RIMBP2: variants seen among roughly 807,000 people sequenced by gnomAD.
The protein encoded by RIMBP2 is RIMS binding protein 2.
Under a neutral mutation model 118.6 loss-of-function variants are expected in RIMBP2, and 48 were observed. The ratio of observed to expected loss-of-function variants is 0.40; its 90% CI spans 0.32 to 0.51. The LOEUF is 0.51. Ranked by LOEUF, RIMBP2 falls within the 20% of genes least tolerant of loss-of-function variation. The pLI is 0.41. For missense variants in RIMBP2, 1,551 were observed against 1,768.3 expected (o/e 0.88, Z 2.20); for synonymous variants, 762 against 742.9 (o/e 1.03, Z -0.42).
chr12:130,554,742 T>A (rs6486554), intron 2 of RIMBP2, among the ~76,000 whole-genome samples: 151,723 of 152,370 alleles, frequency 1, 75,543 homozygotes, highest in Middle Eastern at 1. Context: ...ACAGAGACAA[T>A]AGAAGTTGTC....
At position 130,447,246 on chromosome 12, in the gene RIMBP2, C is replaced by T. The variant is rs745968814; in HGVS notation, c.582-1977G>A. 1.3e-5 allele frequency among the ~76,000 whole-genome samples: 2 copies of T among 151,920 alleles called. No individual in the cohort carries two copies. Among genetic ancestry groups the T allele is most frequent in the Non-Finnish European group, 2.9e-5 (2 of 67,968 alleles). On this transcript the variant is annotated intron_variant, in intron 9 of 22. Coordinates refer to ENST00000690449, the MANE Select transcript of RIMBP2 (RefSeq NM_001393629.1). The surrounding 1 kb of genome is among the most constrained non-coding windows in gnomAD (Gnocchi z 4.4). ...GGAGGCCAAGAGGGAAGGTGAACAC[C>T]GAGAAGGGTGGAAGAAGGTCCCTGG... is the stretch of plus-strand genomic sequence containing the variant.
intron 2 of RIMBP2, among the ~76,000 whole-genome samples, chr12:130,586,480 T>C (rs1205374974): frequency 6.6e-6 from 1 of 151,978 alleles, no homozygotes; most frequent in Non-Finnish European, 1.5e-5. Context: ...GAAGAAGAGA[T>C]GGGGGATCAA....
intron 1 of RIMBP2, among the ~76,000 whole-genome samples, chr12:130,631,684 A>G (rs1324969652): frequency 6.6e-6 from 1 of 151,356 alleles, no homozygotes; most frequent in Non-Finnish European, 1.5e-5. Context: ...GGTAAGTCAA[A>G]AAAAAAAAAA....
At chr12:130,453,679 C>T (rs141448840) in intron 7 of RIMBP2, among the ~76,000 whole-genome samples, 328 of 152,256 alleles carry the variant, frequency 2.2e-3, no homozygotes, top group Non-Finnish European at 3.3e-3. Flanking sequence ...TTCCAGGGGC[C>T]GGGCCGGGGG....
intron 1 of RIMBP2, among the ~76,000 whole-genome samples, chr12:130,649,003 C>T (rs1274870084): frequency 6.9e-6 from 1 of 145,690 alleles, no homozygotes; most frequent in African/African-American, 2.5e-5. Flanking sequence ...ACTGTGGGCC[C>T]TGAACACCAT....
In RIMBP2 at chr12:130,475,199, T is replaced by G. The variant is rs138985167; in HGVS notation, c.102+3713A>C. ...TTCGTCATTCACCCATTTGTTTATTTCTCCGATTTAACAAATGCTTTCCCT... is the reference window on the plus strand; with the variant it reads ...TTCGTCATTCACCCATTTGTTTATTGCTCCGATTTAACAAATGCTTTCCCT... On this transcript the variant is annotated intron_variant, in intron 5 of 22. Coordinates refer to ENST00000690449, the MANE Select transcript of RIMBP2 (RefSeq NM_001393629.1). The surrounding 1 kb of genome is among the most constrained non-coding windows in gnomAD (Gnocchi z 4.1). Among the ~76,000 whole-genome samples, 3 of 152,346 alleles carry G rather than the reference T, an allele frequency of 2.0e-5. No homozygotes were observed. In the East Asian group the frequency reaches 5.8e-4, roughly 29 times the overall value.
intron 11 of RIMBP2, among the ~76,000 whole-genome samples, chr12:130,439,399 G>A (rs1422248486): frequency 6.7e-6 from 1 of 150,082 alleles, no homozygotes; most frequent in South Asian, 2.1e-4. Flanking sequence ...GGATGCATGT[G>A]TATGTATATA....
intron 7 of RIMBP2, 88 bp from the exon 8 acceptor site, chr12:130,451,428 T>C: frequency 7.3e-7 from 1 of 1,377,226 alleles, no homozygotes; most frequent in Admixed American, 2.3e-5. Flanking sequence ...GGGGTGCCTT[T>C]CCCCTCTTTG....
chr12:130,549,709 T>A (rs2055543391), intron 2 of RIMBP2, among the ~76,000 whole-genome samples: 1 of 152,268 alleles, frequency 6.6e-6, no homozygotes, highest in Non-Finnish European at 1.5e-5. Flanking sequence ...TATGGCTGCA[T>A]AGTATTCCAT....
intron 1 of RIMBP2, among the ~76,000 whole-genome samples, chr12:130,632,238 A>G (rs1314859256): frequency 6.6e-6 from 1 of 152,110 alleles, no homozygotes; most frequent in East Asian, 1.9e-4. Flanking sequence ...ATTGCTGACT[A>G]CCTCCTTTTA....
intron 1 of RIMBP2, among the ~76,000 whole-genome samples, chr12:130,706,416 C>T (rs1040597067): frequency 6.6e-6 from 1 of 152,248 alleles, no homozygotes; most frequent in Non-Finnish European, 1.5e-5. Context: ...CCGGAAGTAG[C>T]AGAGCAGAGA....
Position 130,446,243 on chromosome 12 carries a change from G to A in RIMBP2, c.582-974C>T, listed in dbSNP as rs915039968. Among the ~76,000 whole-genome samples the A allele has an allele frequency of 5.3e-5, 8 of 152,202 alleles. No homozygotes were observed. Among genetic ancestry groups the A allele is most frequent in the Non-Finnish European group, 1.2e-4 (8 of 68,040 alleles). On this transcript the variant is annotated intron_variant, in intron 9 of 22. Transcript: ENST00000690449. This position sits in a 1 kb window ranked among gnomAD's most constrained non-coding sequence, Gnocchi z 4.1. ...ACATTAGAGTTGGAGAAGATAGCCA[G>A]ACACTGTAATATTATAATTATGATA...
chr12:130,520,503 A>AACACAC (rs35608453), intron 2 of RIMBP2, among the ~76,000 whole-genome samples: 1 of 151,268 alleles, frequency 6.6e-6, no homozygotes, highest in Non-Finnish European at 1.5e-5. Flanking sequence ...CTCTACTAAA[A>AACACAC]ACACACACAC....
At chr12:130,587,968 T>C (rs980902362) in intron 2 of RIMBP2, among the ~76,000 whole-genome samples, 15 of 152,006 alleles carry the variant, frequency 9.9e-5, no homozygotes, top group East Asian at 7.7e-4. Flanking sequence ...CCTTCCTCTG[T>C]CCCTCCACAC....
chr12:130,547,314 G>C (rs1439183018), intron 2 of RIMBP2, among the ~76,000 whole-genome samples: 2 of 152,188 alleles, frequency 1.3e-5, no homozygotes, highest in East Asian at 3.8e-4. Flanking sequence ...TTGGTTTCCT[G>C]TCCCAAATAA....
rs1445568616 is a variant in RIMBP2, at chr12:130,688,424, G to A, written c.-352+27798C>T. On this transcript the variant is annotated intron_variant, in intron 1 of 22. Transcript: ENST00000690449. The surrounding 1 kb of genome is among the most constrained non-coding windows in gnomAD (Gnocchi z 4.7). ...ATTGGATAACACATACGTTTGCTTA[G>A]GTATCAGATCTAATGAAAGAGAAAG... is the stretch of plus-strand genomic sequence containing the variant. Among the ~76,000 whole-genome samples the A allele has an allele frequency of 6.6e-6, 1 of 152,198 alleles. No individual in the cohort carries two copies. Among genetic ancestry groups the A allele is most frequent in the Non-Finnish European group, 1.5e-5 (1 of 68,048 alleles).
intron 1 of RIMBP2, among the ~76,000 whole-genome samples, chr12:130,652,954 G>A (rs1308096254): frequency 6.6e-6 from 1 of 152,176 alleles, no homozygotes; most frequent in Non-Finnish European, 1.5e-5. Context: ...CCACCCCCAT[G>A]ATCCAATCAC....
intron 1 of RIMBP2, among the ~76,000 whole-genome samples, chr12:130,645,351 C>A (rs1051209652): frequency 1.3e-5 from 2 of 152,168 alleles, no homozygotes; most frequent in African/African-American, 2.4e-5. Context: ...TCCCCCAAAA[C>A]CAACTTCTAT....
intron 1 of RIMBP2, among the ~76,000 whole-genome samples, chr12:130,640,982 A>G (rs2062591165): frequency 6.6e-6 from 1 of 152,236 alleles, no homozygotes; most frequent in Non-Finnish European, 1.5e-5. Flanking sequence ...AAGGGCAGAC[A>G]TGGCCCTATT....
Sources: allele counts gnomAD v4.1 joint callset (sites outside exome capture counted in the v4.1 genomes callset), GRCh38; gene constraint gnomAD v4.1.1; non-coding constraint Gnocchi (gnomAD v3.1); transcripts MANE v1.5; gene names NCBI Gene and HGNC (gene_info 2026-07-23, HGNC 2026-07-21).